SMYD3: variants seen among roughly 807,000 people sequenced by gnomAD.
The protein encoded by SMYD3 is histone-lysine N-methyltransferase SMYD3.
A neutral mutation model predicts 57.7 loss-of-function variants in SMYD3; 36 were observed. The observed-to-expected ratio is 0.62, with a 90% CI of 0.48 to 0.82. The LOEUF (loss-of-function observed/expected upper bound fraction) is 0.82. Among genes scored for constraint, SMYD3 ranks in the 40% least tolerant of loss-of-function variants. The pLI is 0.00. For missense variants in SMYD3, 515 were observed against 538.8 expected (o/e 0.96, Z 0.44); for synonymous variants, 211 against 195.0 (o/e 1.08, Z -0.68).
intron 5 of SMYD3, chr1:246,034,420 TTAAGAG>T (rs1293292505): frequency 4.6e-5 from 7 of 152,124 alleles, no homozygotes; most frequent in African/African-American, 1.7e-4. Flanking sequence ...ATCCAGTTGG[TTAAGAG>T]TCACAGTCAA....
intron 1 of SMYD3, among the ~76,000 whole-genome samples, chr1:246,364,305 A>G (rs1235555578): frequency 6.6e-6 from 1 of 152,066 alleles, no homozygotes; most frequent in Non-Finnish European, 1.5e-5. Flanking sequence ...ATCAGACGGG[A>G]CTGTGTATAG....
At chr1:245,872,403 CT>C (rs11321844) in intron 8 of SMYD3, among the ~76,000 whole-genome samples, 18 of 103,712 alleles carry the variant, frequency 1.7e-4, no homozygotes, top group African/African-American at 4.8e-4. Context: ...TGGATGTCCT[CT>C]TCTCAGATGA....
chr1:246,481,607 T>TATATATATATATATATATAATATATATAC (rs1156393004), intron 1 of SMYD3, among the ~76,000 whole-genome samples: 3 of 61,980 alleles, frequency 4.8e-5, no homozygotes, highest in African/African-American at 1.5e-4. Context: ...TATATATATA[T>TATATATATATATATATATAATATATATAC]ACACATACAT....
At chr1:246,214,202 A>G (rs2063129977) in intron 5 of SMYD3, among the ~76,000 whole-genome samples, 1 of 152,188 alleles carries the variant, frequency 6.6e-6, no homozygotes, top group African/African-American at 2.4e-5. Flanking sequence ...AGAGGAGTCT[A>G]GAAATCCAGT....
intron 5 of SMYD3, among the ~76,000 whole-genome samples, chr1:246,189,693 A>G (rs1424025638): frequency 6.6e-6 from 1 of 152,188 alleles, no homozygotes; most frequent in Non-Finnish European, 1.5e-5. Flanking sequence ...GCTATCAGAC[A>G]TCTCCATGGG....
At chr1:246,068,974 T>C (rs780196412) in intron 5 of SMYD3, among the ~76,000 whole-genome samples, 1 of 152,044 alleles carries the variant, frequency 6.6e-6, no homozygotes, top group African/African-American at 2.4e-5. Context: ...AAAACCAACA[T>C]GGGAAGGAGA....
intron 11 of SMYD3, among the ~76,000 whole-genome samples, chr1:245,756,776 T>A (rs1264628098): frequency 6.6e-6 from 1 of 150,758 alleles, no homozygotes; most frequent in Non-Finnish European, 1.5e-5. Context: ...TAAGTTGTCA[T>A]TTTTCTCTTG....
intron 10 of SMYD3, among the ~76,000 whole-genome samples, chr1:245,848,185 G>A (rs2050762429): frequency 6.6e-6 from 1 of 151,298 alleles, no homozygotes; most frequent in African/African-American, 2.4e-5. Context: ...CTGTAGCCTC[G>A]ACCTCCATGG....
intron 11 of SMYD3, among the ~76,000 whole-genome samples, chr1:245,759,741 A>C (rs755593406): frequency 1.3e-5 from 2 of 152,232 alleles, no homozygotes; most frequent in Non-Finnish European, 2.9e-5. Context: ...TGAGAAGGGA[A>C]AAATTGTAAT....
chr1:246,131,180 C>T (rs12132227), intron 5 of SMYD3, among the ~76,000 whole-genome samples: 1 of 152,010 alleles, frequency 6.6e-6, no homozygotes, highest in Non-Finnish European at 1.5e-5. Flanking sequence ...ATTCCCAACA[C>T]ACATACATTT....
At chr1:246,429,195 A>G (rs1371418049) in intron 1 of SMYD3, among the ~76,000 whole-genome samples, 1 of 151,824 alleles carries the variant, frequency 6.6e-6, no homozygotes, top group African/African-American at 2.4e-5. Flanking sequence ...CCATGTAATG[A>G]GCTGGATTGG....
At position 246,368,546 on chromosome 1, in the gene SMYD3, T is replaced by C. The variant is rs551653772; in HGVS notation, c.165-13452A>G. ...TTCAGAGCTCCTTCCTAGTAACATG[T>C]CTTAATTACCTAAAAGTCTCTGTGA... On this transcript the variant is annotated intron_variant, in intron 1 of 11. Coordinates refer to ENST00000490107, the MANE Select transcript of SMYD3 (RefSeq NM_001167740.2). Among the ~76,000 whole-genome samples the C allele has an allele frequency of 7.7e-4, 117 of 152,314 alleles. 1 individual carries two copies. Among genetic ancestry groups the C allele is most frequent in the African/African-American group, 2.7e-3 (112 of 41,566 alleles).
chr1:246,440,969 G>A (rs1305953359), intron 1 of SMYD3, among the ~76,000 whole-genome samples: 3 of 152,110 alleles, frequency 2.0e-5, no homozygotes, highest in African/African-American at 7.2e-5. Flanking sequence ...TTGGTTGAAG[G>A]CCACTGGGAA....
intron 10 of SMYD3, among the ~76,000 whole-genome samples, chr1:245,827,432 A>T (rs1558394273): frequency 6.6e-6 from 1 of 152,126 alleles, no homozygotes; most frequent in Non-Finnish European, 1.5e-5. Flanking sequence ...TCTCTGCTCC[A>T]TTCCACTTGC....
intron 5 of SMYD3, among the ~76,000 whole-genome samples, chr1:246,025,371 G>T (rs1015175629): frequency 6.6e-5 from 10 of 152,144 alleles, no homozygotes; most frequent in African/African-American, 2.4e-4. Context: ...GAAACAGATT[G>T]CCCTGAATAT....
At chr1:245,818,721 C>T (rs528071013) in intron 10 of SMYD3, among the ~76,000 whole-genome samples, 8,391 of 150,474 alleles carry the variant, frequency 0.056, 761 homozygotes, top group African/African-American at 0.19. Flanking sequence ...AAATGGAAAA[C>T]AAAAAAAAGG....
Position 246,056,917 on chromosome 1 carries a change from C to T in SMYD3, c.532-126980G>A, listed in dbSNP as rs12073639. 4.1e-3 allele frequency among the ~76,000 whole-genome samples: 620 copies of T among 152,322 alleles called. 6 individuals carry two copies. The highest frequency in any genetic ancestry group is 0.014 in the African/African-American group (574 of 41,562). ...ACACAGATTAAGAACACACACTCCACAGTCACACTTCCCAGGTCCCGTCCT... is the reference window on the plus strand; with the variant it reads ...ACACAGATTAAGAACACACACTCCATAGTCACACTTCCCAGGTCCCGTCCT... On this transcript the variant is annotated intron_variant, in intron 5 of 11. Transcript: ENST00000490107.
chr1:246,255,997 CAT>C (rs2063885639), intron 5 of SMYD3, among the ~76,000 whole-genome samples: 3 of 145,966 alleles, frequency 2.1e-5, no homozygotes, highest in Non-Finnish European at 4.5e-5. Flanking sequence ...TACACACACA[CAT>C]ACATACATAC....
chr1:245,969,681 C>T (rs1236029005), intron 5 of SMYD3, among the ~76,000 whole-genome samples: 1 of 152,218 alleles, frequency 6.6e-6, no homozygotes, highest in African/African-American at 2.4e-5. Context: ...AATCTGCACA[C>T]AAATCCCTGA....
Sources: gnomAD v4.1 joint callset for allele counts (sites outside exome capture counted in the v4.1 genomes callset) on GRCh38, gnomAD v4.1.1 for gene constraint, MANE v1.5 for transcripts, NCBI Gene and HGNC (gene_info 2026-07-23, HGNC 2026-07-21) for gene names.